Variants in DCAF5 observed in about 807,000 individuals in gnomAD.
DCAF5 encodes DDB1 and CUL4 associated factor 5.
A neutral mutation model predicts 80.7 loss-of-function variants in DCAF5; 9 were observed. The observed-to-expected ratio is 0.11, with a 90% CI of 0.07 to 0.19. The LOEUF (loss-of-function observed/expected upper bound fraction) is 0.19, where lower values mean the gene tolerates loss of function less well. Ranked by LOEUF, DCAF5 falls within the 10% of genes least tolerant of loss-of-function variation. DCAF5 has a pLI of 1.00. For synonymous variants in DCAF5, 433 were observed against 461.9 expected (o/e 0.94, Z 0.80); for missense variants, 842 against 1,205.7 (o/e 0.70, Z 4.47).
At chr14:69,073,955 T>G (rs896420963) in intron 7 of DCAF5, among the ~76,000 whole-genome samples, 2 of 152,214 alleles carry the variant, frequency 1.3e-5, no homozygotes, top group Non-Finnish European at 2.9e-5. Context: ...TTTGTTCAGG[T>G]AGACTACTGC....
chr14:69,092,229 C>G lies in DCAF5; in HGVS notation c.666-342G>C, dbSNP rs543007436. ...AACCAAAAGCATACTCGTCAAGACC[C>G]TGAGAAGTGGGTTGTATCCACTCTA... On this transcript the variant is annotated intron_variant, in intron 5 of 8. Coordinates refer to ENST00000341516, the MANE Select transcript of DCAF5 (RefSeq NM_003861.3). 4.5e-4 allele frequency among the ~76,000 whole-genome samples: 68 copies of G among 152,272 alleles called. 1 individual carries two copies. The highest frequency in any genetic ancestry group is 6.8e-3 in the Middle Eastern group (2 of 294).
intron 8 of DCAF5, among the ~76,000 whole-genome samples, chr14:69,059,643 T>C (rs1327697787): frequency 6.6e-6 from 1 of 152,162 alleles, no homozygotes; most frequent in Non-Finnish European, 1.5e-5. Context: ...AGCATGGCCA[T>C]TGGTCTCATC....
chr14:69,058,632 T>C (rs774942121), intron 8 of DCAF5, among the ~76,000 whole-genome samples: 3 of 152,038 alleles, frequency 2.0e-5, no homozygotes, highest in Non-Finnish European at 2.9e-5. Context: ...CCCAGGACTT[T>C]GGGACGTCAA....
intron 6 of DCAF5, among the ~76,000 whole-genome samples, chr14:69,086,711 C>A (rs1239971488): frequency 1.3e-5 from 2 of 151,666 alleles, no homozygotes; most frequent in Admixed American, 1.3e-4. Flanking sequence ...CTTGGCTATA[C>A]CCATATAGTG....
chr14:69,141,145 A>T (rs1205894541), intron 1 of DCAF5, among the ~76,000 whole-genome samples: 43 of 135,948 alleles, frequency 3.2e-4, no homozygotes, highest in African/African-American at 1.3e-3. Flanking sequence ...AATTTAAAAA[A>T]AAAAAAAAAA....
At chr14:69,081,564 T>C (rs1216923244) in intron 6 of DCAF5, among the ~76,000 whole-genome samples, 1 of 152,180 alleles carries the variant, frequency 6.6e-6, no homozygotes, top group African/African-American at 2.4e-5. Flanking sequence ...TCCAATCCAC[T>C]GTCAGTGTGG....
At chr14:69,133,556 G>A (rs563629410) in intron 1 of DCAF5, among the ~76,000 whole-genome samples, 1 of 152,084 alleles carries the variant, frequency 6.6e-6, no homozygotes, top group Non-Finnish European at 1.5e-5. Context: ...GGAAGAGGCG[G>A]GGGTACAGGC....
chr14:69,099,127 C>T (rs935661573), intron 5 of DCAF5, among the ~76,000 whole-genome samples: 3 of 151,476 alleles, frequency 2.0e-5, no homozygotes, highest in Non-Finnish European at 4.4e-5. Context: ...TGGTCCACAC[C>T]TGTAGTATCA....
intron 6 of DCAF5, chr14:69,090,989 C>G (rs2039511837): frequency 2.9e-6 from 2 of 683,816 alleles, no homozygotes; most frequent in African/African-American, 3.5e-5. Flanking sequence ...ATTAGCCCAA[C>G]TGGTCACTGA....
At chr14:69,133,603 T>C (rs2041105925) in intron 1 of DCAF5, among the ~76,000 whole-genome samples, 2 of 152,032 alleles carry the variant, frequency 1.3e-5, no homozygotes, top group South Asian at 4.2e-4. Flanking sequence ...GTCACACAAA[T>C]TTTGCTCTTC....
chr14:69,091,716 T>G lies in DCAF5; in HGVS notation c.837A>C (p.Ser279=). Residue 279 remains serine (S), a synonymous_variant, in exon 6 of 9, where the codon TCA becomes TCC. Coordinates refer to ENST00000341516, the MANE Select transcript of DCAF5 (RefSeq NM_003861.3). ...FQFDNQGYFN[S]CTMKSCCFAG... is the part of the protein sequence containing the mutation. ...CAAAACAGCAGCTTTTCATGGTGCA[T>G]GAGTTGAAGTAACCCTGATTGTCAA... is the stretch of plus-strand genomic sequence containing the variant. The G allele has an allele frequency of 1.2e-6, 2 of 1,614,124 alleles. No individual in the cohort carries two copies. Among genetic ancestry groups the G allele is most frequent in the Non-Finnish European group, 1.7e-6 (2 of 1,180,004 alleles).
Position 69,116,540 on chromosome 14 carries a change from G to A in DCAF5, c.536-45C>T, listed in dbSNP as rs778103024. 16 of 1,592,630 alleles carry A rather than the reference G, an allele frequency of 1.0e-5. No individual in the cohort carries two copies. The South Asian group carries it at 1.6e-4, about 15-fold the overall frequency. ...AATCAGTTCACTCCAGGTACCTGTG[G>A]GCCACTGGCAGGCAGATAATCAGGA... On this transcript the variant is annotated intron_variant, in intron 4 of 8. Coordinates refer to ENST00000341516, the MANE Select transcript of DCAF5 (RefSeq NM_003861.3).
intron 5 of DCAF5, among the ~76,000 whole-genome samples, chr14:69,093,396 T>C (rs1217460758): frequency 6.6e-6 from 1 of 152,192 alleles, no homozygotes; most frequent in Non-Finnish European, 1.5e-5. Flanking sequence ...GGCCTCAAGA[T>C]GCCTAAATTA....
intron 6 of DCAF5, chr14:69,084,919 G>A: frequency 1.4e-6 from 2 of 1,418,630 alleles, no homozygotes; most frequent in Non-Finnish European, 2.0e-6. Context: ...CATCGTGTGG[G>A]TAGAACAGCC....
At chr14:69,077,201 T>G (rs1463082438) in intron 6 of DCAF5, among the ~76,000 whole-genome samples, 1 of 152,164 alleles carries the variant, frequency 6.6e-6, no homozygotes, top group African/African-American at 2.4e-5. Flanking sequence ...GCCTACTGTT[T>G]TCCTTTTGTG....
chr14:69,076,773 A>G (rs1483200032), intron 6 of DCAF5, among the ~76,000 whole-genome samples: 1 of 152,228 alleles, frequency 6.6e-6, no homozygotes, highest in East Asian at 1.9e-4. Context: ...TTAAAATGGT[A>G]AATCTCATGT....
chr14:69,133,550 G>A (rs529953401), intron 1 of DCAF5, among the ~76,000 whole-genome samples: 2 of 152,150 alleles, frequency 1.3e-5, no homozygotes, highest in African/African-American at 4.8e-5. Flanking sequence ...AGGCAGGGAA[G>A]AGGCGGGGGT....
At chr14:69,151,693 G>GGA (rs2041709949) in intron 1 of DCAF5, among the ~76,000 whole-genome samples, 1 of 152,128 alleles carries the variant, frequency 6.6e-6, no homozygotes, top group Non-Finnish European at 1.5e-5. Flanking sequence ...ACCCCAGGGA[G>GGA]GAGGGGACGA....
intron 1 of DCAF5, among the ~76,000 whole-genome samples, chr14:69,140,097 C>T (rs535966911): frequency 1.3e-5 from 2 of 152,084 alleles, no homozygotes; most frequent in African/African-American, 4.8e-5. Context: ...GAAATCTCGT[C>T]TCTACTAAAA....
Sources: allele counts gnomAD v4.1 joint callset (sites outside exome capture counted in the v4.1 genomes callset), GRCh38; gene constraint gnomAD v4.1.1; transcripts MANE v1.5; gene names NCBI Gene and HGNC (gene_info 2026-07-23, HGNC 2026-07-21).